Variants in STAR observed in about 807,000 individuals in gnomAD.
STAR encodes the protein steroidogenic acute regulatory protein.
STAR carries 32 observed loss-of-function variants against 32.3 expected under a neutral mutation model. That is an observed-to-expected ratio of 0.99 (90% CI 0.75 to 1.33). The LOEUF is 1.33. Ranked by LOEUF, STAR falls within the 40% of genes most tolerant of loss-of-function variation. The pLI is 0.00. For synonymous variants in STAR, 134 were observed against 140.5 expected, an observed-to-expected ratio of 0.95 and a Z score of 0.33; for missense variants, 375 against 379.0, an observed-to-expected ratio of 0.99 and a Z score of 0.09.
In STAR at chr8:38,144,337, A is replaced by T; in HGVS notation, c.794T>A (p.Val265Glu). ...IINQVLSQTQ[V>E]DFANHLRKRL... ...CTTGCGCAGGTGGTTGGCAAAATCC[A>T]CCTGGGTCTGGGACAGGACCTGGTT... The change falls in exon 7 of 7, where the codon GTG becomes GAG. Residue 265 changes from valine to glutamate, a missense_variant. By Grantham distance (121) the Val-to-Glu change is moderately radical. Coordinates refer to ENST00000276449, the MANE Select transcript of STAR (RefSeq NM_000349.3). 1.2e-6 allele frequency: 2 copies of T among 1,609,548 alleles called. No individual in the cohort carries two copies. Among genetic ancestry groups the T allele is most frequent in the Non-Finnish European group, 1.7e-6 (2 of 1,178,148 alleles).
rs1291206741 is a variant in STAR at position 38,146,142 on chromosome 8, C to T, written c.471G>A (p.Leu157=). The change falls in exon 5 of 7, where the codon CTG becomes CTA. Residue 157 remains leucine (L), a synonymous_variant. Coordinates refer to ENST00000276449, the MANE Select transcript of STAR (RefSeq NM_000349.3). ...WNPNVKEIKV[L]QKIGKDTFIT... ...TGAATGTATCTTTTCCGATCTTCTG[C>T]AGGACCTACCAGGCCATGGGGAACC... 3.1e-6 allele frequency: 5 copies of T among 1,613,796 alleles called. No individual in the cohort carries two copies. The African/African-American group carries it at 6.7e-5, about 22-fold the overall frequency.
rs748079742 is a variant in STAR, at chr8:38,144,242, C to T, written c.*31G>A. The T allele has an allele frequency of 6.3e-6, 10 of 1,585,936 alleles. No homozygotes were observed. The South Asian group carries it at 9.2e-5, about 15-fold the overall frequency. ...CTGATGAGCGTGTGTACCAGTGCAG[C>T]TGGGCACAGTTGGGAACAGCAGGCT... On this transcript the variant is annotated 3_prime_UTR_variant, in exon 7 of 7. Coordinates refer to ENST00000276449, the MANE Select transcript of STAR (RefSeq NM_000349.3).
rs749415045 is a variant in STAR at position 38,148,675 on chromosome 8, C to T, written c.144G>A (p.Trp48Ter). The T allele has an allele frequency of 6.8e-6, 11 of 1,614,176 alleles. No homozygotes were observed. Among genetic ancestry groups the T allele is most frequent in the Non-Finnish European group, 9.3e-6 (11 of 1,180,048 alleles). The stretch of plus-strand genomic sequence containing the variant: ...AGCTCCGCCGCCGAACCTGGTTAAT[C>T]CACGTGCTAGGGGTGGGGCCCCCCA... Reference protein sequence around the residue: ...RALGGPTPSTWINQVRRRSSL... With the variant: ...RALGGPTPST The change falls in exon 2 of 7, where the codon TGG becomes TGA. Residue 48 changes from tryptophan to a stop codon, truncating the protein, a stop_gained. Coordinates refer to ENST00000276449, the MANE Select transcript of STAR (RefSeq NM_000349.3). LOFTEE classifies it high-confidence loss of function.
At position 38,143,085 on chromosome 8, in the gene STAR, C is replaced by T. The variant is rs926920000; in HGVS notation, c.*1188G>A. Among the ~76,000 whole-genome samples the T allele has an allele frequency of 6.6e-6, 1 of 151,934 alleles. No individual in the cohort carries two copies. Among genetic ancestry groups the T allele is most frequent in the Non-Finnish European group, 1.5e-5 (1 of 67,994 alleles). ...AGTTATAATCTTCATCTTCCAGGGC[C>T]CATTAATCAGCTATTGCTTATAGAA... On this transcript the variant is annotated 3_prime_UTR_variant, in exon 7 of 7. Transcript: ENST00000276449.
At chr8:38,145,135 G>A (rs1802544024) in intron 6 of STAR, 87 bp downstream of exon 6, 6 of 1,595,028 alleles carry the variant, frequency 3.8e-6, no homozygotes, top group Non-Finnish European at 5.1e-6. Context: ...AATAGAAGAG[G>A]ATTCTTTCTG....
At chr8:38,144,988 G>A (rs1802539022) in intron 6 of STAR, 1 of 1,344,760 alleles carries the variant, frequency 7.4e-7, no homozygotes, top group Non-Finnish European at 9.6e-7. Context: ...CAGCCTGAGT[G>A]ACAGAATGAA....
rs769781083 is a variant in STAR, at chr8:38,150,748, C to T, written c.64+7G>A. 3.7e-6 allele frequency: 6 copies of T among 1,606,574 alleles called. No individual in the cohort carries two copies. Among genetic ancestry groups the T allele is most frequent in the Admixed American group, 1.7e-5 (1 of 60,010 alleles). On this transcript the variant is annotated splice_region_variant and intron_variant, in intron 1 of 6. Coordinates refer to ENST00000276449, the MANE Select transcript of STAR (RefSeq NM_000349.3). ...ACCCCTCATCGCCTCCTTCCCGCAG[C>T]GCTCACCCTTCATGTTGCGCATGTG...
In STAR at chr8:38,144,224, G is replaced by C; in HGVS notation, c.*49C>G. 6.5e-7 allele frequency: 1 copy of C among 1,538,586 alleles called. No individual in the cohort carries two copies. Among genetic ancestry groups the C allele is most frequent in the Non-Finnish European group, 8.8e-7 (1 of 1,131,024 alleles). On this transcript the variant is annotated 3_prime_UTR_variant, in exon 7 of 7. Coordinates refer to ENST00000276449, the MANE Select transcript of STAR (RefSeq NM_000349.3). ...CTTCCAGTAGGGATTCTCCTGATGA[G>C]CGTGTGTACCAGTGCAGCTGGGCAC...
rs751759820 is a variant in STAR at position 38,144,317 on chromosome 8, G to A, written c.814C>T (p.Arg272Cys). The change falls in exon 7 of 7, where the codon CGC becomes TGC. Residue 272 changes from arginine (R) to cysteine (C), a missense_variant. By Grantham distance (180) the Arg-to-Cys change is radical. Transcript: ENST00000276449. Reference protein sequence around the residue: ...QTQVDFANHLRKRLESHPASE... With the variant: ...QTQVDFANHLCKRLESHPASE... ...GCAGGGTGGGACTCCAGGCGCTTGCGCAGGTGGTTGGCAAAATCCACCTGG... is the reference window on the plus strand; with the variant it reads ...GCAGGGTGGGACTCCAGGCGCTTGCACAGGTGGTTGGCAAAATCCACCTGG... The A allele has an allele frequency of 1.4e-5, 22 of 1,609,784 alleles. No individual in the cohort carries two copies. Among genetic ancestry groups the A allele is most frequent in the Admixed American group, 1.3e-4 (8 of 59,488 alleles).
rs1802542136 is a variant in STAR at position 38,145,053 on chromosome 8, T to C, written c.744+169A>G. 7.5e-6 allele frequency: 11 copies of C among 1,475,138 alleles called. No homozygotes were observed. The South Asian group carries it at 1.4e-4, about 19-fold the overall frequency. The allele number at this position is 1,475,138 out of a possible 1,614,324, so 91.4% of individuals were successfully genotyped here. A position where few individuals can be genotyped will look rare whatever the true frequency, so the allele number is the denominator to read the frequency against. On this transcript the variant is annotated intron_variant, in intron 6 of 6. Coordinates refer to ENST00000276449, the MANE Select transcript of STAR (RefSeq NM_000349.3). ...AAGAAGAGGGGGCCATCACAGGCTT[T>C]GGAGATGGTAGAGTAGCAGTTAGGC...
In STAR at chr8:38,144,244, G is replaced by T; in HGVS notation, c.*29C>A. 1.3e-6 allele frequency: 2 copies of T among 1,587,296 alleles called. No individual in the cohort carries two copies. The highest frequency in any genetic ancestry group is 2.3e-5 in the East Asian group (1 of 43,700). ...GATGAGCGTGTGTACCAGTGCAGCTGGGCACAGTTGGGAACAGCAGGCTGG... is the reference window on the plus strand; with the variant it reads ...GATGAGCGTGTGTACCAGTGCAGCTTGGCACAGTTGGGAACAGCAGGCTGG... On this transcript the variant is annotated 3_prime_UTR_variant, in exon 7 of 7. Coordinates refer to ENST00000276449, the MANE Select transcript of STAR (RefSeq NM_000349.3).
intron 5 of STAR, chr8:38,145,726 AATT>A (rs1324862665): frequency 1.5e-5 from 9 of 610,194 alleles, no homozygotes; most frequent in African/African-American, 1.1e-4. Context: ...TGCTTCAGAA[AATT>A]ATTAAGGTTC....
rs1275980974 is a variant in STAR, at chr8:38,145,206, C to T, written c.744+16G>A. 3 of 1,614,050 alleles carry T rather than the reference C, an allele frequency of 1.9e-6. No homozygotes were observed. The highest frequency in any genetic ancestry group is 1.1e-5 in the South Asian group (1 of 91,072). ...ACTACCACCTGCCTTCCAGGTCCCC[C>T]TCCCATGCCCTTCACCTTGAGGTCG... On this transcript the variant is annotated intron_variant, in intron 6 of 6. Coordinates refer to ENST00000276449, the MANE Select transcript of STAR (RefSeq NM_000349.3).
intron 6 of STAR, chr8:38,144,872 G>A (rs1802534745): frequency 4.7e-6 from 3 of 632,520 alleles, no homozygotes; most frequent in South Asian, 2.0e-5. Flanking sequence ...AGCCATGTGT[G>A]GTGGCACACG....
At position 38,144,501 on chromosome 8, in the gene STAR, T is replaced by C. The variant is rs187622887; in HGVS notation, c.745-115A>G. ...TTGGTCTTCGAGCTCTGTTAATAGG[T>C]GCAGCCTTGGAGTTGCCCAGTCAAG... On this transcript the variant is annotated intron_variant, in intron 6 of 6. Coordinates refer to ENST00000276449, the MANE Select transcript of STAR (RefSeq NM_000349.3). 3.9e-5 allele frequency: 60 copies of C among 1,523,638 alleles called. No individual in the cohort carries two copies. In the Admixed American group the frequency reaches 9.5e-4, roughly 24 times the overall value. 94.4% of individuals were successfully genotyped at this position (1,523,638 alleles called of 1,614,324 possible).
intron 3 of STAR, among the ~76,000 whole-genome samples, chr8:38,146,721 G>C (rs949824228): frequency 6.6e-6 from 1 of 151,838 alleles, no homozygotes; most frequent in Non-Finnish European, 1.5e-5. Context: ...GTTGCAGTGA[G>C]TGGAGATTGC....
chr8:38,145,141 TTC>T lies in STAR; in HGVS notation c.744+79_744+80del. The T allele has an allele frequency of 1.4e-5, 23 of 1,602,860 alleles. 1 individual carries two copies. The South Asian group carries it at 2.5e-4, about 17-fold the overall frequency. ...TTCTATCAGAATAGAAGAGGATTCT[TTC>T]TGCAGCATGGGGGGAATGGGAAGAG... On this transcript the variant is annotated intron_variant, in intron 6 of 6. Coordinates refer to ENST00000276449, the MANE Select transcript of STAR (RefSeq NM_000349.3).
chr8:38,144,293 C>T lies in STAR; in HGVS notation c.838G>A (p.Ala280Thr). 1 of 1,609,970 alleles carries T rather than the reference C, an allele frequency of 6.2e-7. No individual in the cohort carries two copies. The highest frequency in any genetic ancestry group is 8.5e-7 in the Non-Finnish European group (1 of 1,178,262). ...HLRKRLESHP[A>T]SEARC ...GGTCTTCAACACCTGGCTTCAGAGG[C>T]AGGGTGGGACTCCAGGCGCTTGCGC... Residue 280 changes from alanine (A) to threonine (T), a missense_variant, in exon 7 of 7, where the codon GCC (alanine) becomes ACC (threonine). Coordinates refer to ENST00000276449, the MANE Select transcript of STAR (RefSeq NM_000349.3).
At chr8:38,149,963 A>G (rs1353309559) in intron 1 of STAR, among the ~76,000 whole-genome samples, 1 of 152,188 alleles carries the variant, frequency 6.6e-6, no homozygotes, top group African/African-American at 2.4e-5. Flanking sequence ...TCTACTAAAA[A>G]TACAAAAACT....
Sources: allele counts gnomAD v4.1 joint callset (sites outside exome capture counted in the v4.1 genomes callset), GRCh38; gene constraint gnomAD v4.1.1; transcripts MANE v1.5; gene names NCBI Gene and HGNC (gene_info 2026-07-23, HGNC 2026-07-21).